The following BCAS3 variants were observed in gnomAD, a reference collection of about 807,000 sequenced individuals.
BCAS3 encodes the protein BCAS4/BCAS3 fusion.
Under a neutral mutation model 116.1 loss-of-function variants are expected in BCAS3, and 53 were observed. That is an observed-to-expected ratio of 0.46 (90% CI 0.37 to 0.57). The LOEUF is 0.57. Ranked by LOEUF, BCAS3 falls within the 20% of genes least tolerant of loss-of-function variation. BCAS3 has a pLI of 0.00. For missense variants in BCAS3, 917 were observed against 1,165.4 expected, an observed-to-expected ratio of 0.79 and a Z score of 3.10; for synonymous variants, 391 against 408.2, an observed-to-expected ratio of 0.96 and a Z score of 0.51.
At chr17:60,770,949 G>A (rs1039076057) in intron 6 of BCAS3, among the ~76,000 whole-genome samples, 14 of 146,752 alleles carry the variant, frequency 9.5e-5, no homozygotes, top group Admixed American at 9.4e-4. Flanking sequence ...CCAAGTAGCT[G>A]GGATTACAGG....
At chr17:60,905,209 C>T (rs1324409867) in intron 11 of BCAS3, among the ~76,000 whole-genome samples, 2 of 151,984 alleles carry the variant, frequency 1.3e-5, no homozygotes, top group Non-Finnish European at 2.9e-5. Flanking sequence ...TGTCACAATC[C>T]ACTTGGGATA....
At chr17:60,989,893 AT>A in intron 14 of BCAS3, 77 bp from the exon 15 acceptor site, 2 of 1,442,314 alleles carry the variant, frequency 1.4e-6, no homozygotes, top group Non-Finnish European at 1.9e-6. Flanking sequence ...TTATATTCAT[AT>A]TTGGTGATGT....
chr17:61,150,771 G>A (rs1365067053), intron 22 of BCAS3, among the ~76,000 whole-genome samples: 1 of 152,128 alleles, frequency 6.6e-6, no homozygotes, highest in Non-Finnish European at 1.5e-5. Context: ...GACTGCTTTT[G>A]GAACTTGTGA....
Position 61,037,990 on chromosome 17 carries a change from A to G in BCAS3, c.1864A>G (p.Lys622Glu). The change falls in exon 18 of 24, where the codon AAG becomes GAG. Residue 622 changes from lysine to glutamate, a missense_variant. This residue lies in a region of BCAS3 where 807 missense variants were observed against 1,026.0 expected (regional missense o/e 0.79). Transcript: ENST00000407086. This position sits in a 1 kb window ranked among gnomAD's most constrained non-coding sequence, Gnocchi z 4.7. The stretch of plus-strand genomic sequence containing the variant: ...GCCGCGACCCCTCAGCACTGCACCC[A>G]AGATTAGTGACGACACACCACTGGA... Reference protein sequence around the residue: ...MEPRPLSTAPKISDDTPLEMM... With the variant: ...MEPRPLSTAPEISDDTPLEMM... 1 of 1,614,168 alleles carries G rather than the reference A, an allele frequency of 6.2e-7. No homozygotes were observed. Among genetic ancestry groups the G allele is most frequent in the Non-Finnish European group, 8.5e-7 (1 of 1,180,020 alleles).
intron 5 of BCAS3, among the ~76,000 whole-genome samples, chr17:60,710,772 C>T (rs2037813525): frequency 6.6e-6 from 1 of 150,700 alleles, no homozygotes; most frequent in Non-Finnish European, 1.5e-5. Context: ...TTTGATAAGT[C>T]ACTTCTGATG....
intron 22 of BCAS3, among the ~76,000 whole-genome samples, chr17:61,194,477 C>T (rs2080353583): frequency 6.6e-6 from 1 of 152,092 alleles, no homozygotes; most frequent in Admixed American, 6.5e-5. Flanking sequence ...CAGTGGCTCA[C>T]TCCTGTAATC....
In BCAS3 at chr17:61,205,585, A is replaced by G. The variant is rs1351959868; in HGVS notation, c.2425+121021A>G. 6.6e-6 allele frequency among the ~76,000 whole-genome samples: 1 copy of G among 152,080 alleles called. No homozygotes were observed. Among genetic ancestry groups the G allele is most frequent in the Non-Finnish European group, 1.5e-5 (1 of 68,018 alleles). ...CATTGACCTTGACATACTCAGAACA[A>G]ATTGGTCTGTGTGATTGCTACCACA... is the stretch of plus-strand genomic sequence containing the variant. On this transcript the variant is annotated intron_variant, in intron 22 of 23. Transcript: ENST00000407086. The surrounding 1 kb of genome is among the most constrained non-coding windows in gnomAD (Gnocchi z 5.2).
intron 6 of BCAS3, among the ~76,000 whole-genome samples, chr17:60,763,595 T>C (rs999712528): frequency 7.2e-5 from 11 of 152,230 alleles, no homozygotes; most frequent in Non-Finnish European, 1.5e-4. Flanking sequence ...GGATTCAGTT[T>C]GCCAGTATTT....
intron 22 of BCAS3, among the ~76,000 whole-genome samples, chr17:61,230,142 T>TACACACACACACAC (rs58423435): frequency 3.3e-5 from 5 of 149,942 alleles, no homozygotes; most frequent in African/African-American, 1.2e-4. Context: ...AGTGTGTGTA[T>TACACACACACACAC]ACACACACAC....
intron 22 of BCAS3, among the ~76,000 whole-genome samples, chr17:61,187,564 C>T (rs2079853049): frequency 6.6e-6 from 1 of 152,182 alleles, no homozygotes; most frequent in Admixed American, 6.5e-5. Flanking sequence ...AAACACAGAA[C>T]AGAAAGCTAG....
rs1175372444 is a variant in BCAS3, at chr17:61,224,370, A to G, written c.2425+139806A>G. ...CCTCTTGAAGTTCAGGAGAGATTTC[A>G]TGGAAGAGGTATCATTCAAGCTGAG... On this transcript the variant is annotated intron_variant, in intron 22 of 23. Coordinates refer to ENST00000407086, the MANE Select transcript of BCAS3 (RefSeq NM_017679.5). The surrounding 1 kb of genome is among the most constrained non-coding windows in gnomAD (Gnocchi z 5.7). Among the ~76,000 whole-genome samples the G allele has an allele frequency of 6.6e-6, 1 of 152,234 alleles. No individual in the cohort carries two copies. Among genetic ancestry groups the G allele is most frequent in the African/African-American group, 2.4e-5 (1 of 41,478 alleles).
rs144517756 is a variant in BCAS3, at chr17:61,276,685, A to G, written c.2426-91642A>G. The stretch of plus-strand genomic sequence containing the variant: ...AAATCTCTATCAAATAAGCTGACTT[A>G]TTTGCAGAAATTGACAAGCTGATCC... On this transcript the variant is annotated intron_variant, in intron 22 of 23. Transcript: ENST00000407086. This position sits in a 1 kb window ranked among gnomAD's most constrained non-coding sequence, Gnocchi z 4.2. Among the ~76,000 whole-genome samples the G allele has an allele frequency of 1.3e-5, 2 of 152,196 alleles. No individual in the cohort carries two copies. Among genetic ancestry groups the G allele is most frequent in the Non-Finnish European group, 2.9e-5 (2 of 68,032 alleles).
At chr17:60,749,033 C>T (rs1217567534) in intron 6 of BCAS3, 2 of 152,178 alleles carry the variant, frequency 1.3e-5, no homozygotes, top group East Asian at 3.8e-4. Context: ...GAACTCACTA[C>T]CTTCGGAGCA....
chr17:60,747,060 A>T (rs1005316793), intron 5 of BCAS3, 138 bp from the exon 6 acceptor site: 1 of 533,352 alleles, frequency 1.9e-6, no homozygotes, highest in Non-Finnish European at 3.3e-6. Context: ...ATGTATGACC[A>T]ATGATAAATG....
Position 61,057,953 on chromosome 17 carries a change from CT to C in BCAS3, c.2030-16958del, listed in dbSNP as rs888670965. On this transcript the variant is annotated intron_variant, in intron 19 of 23. Transcript: ENST00000407086. ...TAGTCTTGTGTCTTTAGCATAGCTA[CT>C]TTTTTTTTATATTGAAGCCTCTTTT... 1.3e-3 allele frequency among the ~76,000 whole-genome samples: 194 copies of C among 151,160 alleles called. 1 individual carries two copies. The highest frequency in any genetic ancestry group is 3.8e-3 in the African/African-American group (155 of 41,268).
rs1306282104 is a variant in BCAS3 at position 61,180,152 on chromosome 17, T to C, written c.2425+95588T>C. Among the ~76,000 whole-genome samples the C allele has an allele frequency of 6.6e-6, 1 of 152,134 alleles. No homozygotes were observed. Among genetic ancestry groups the C allele is most frequent in the Non-Finnish European group, 1.5e-5 (1 of 68,016 alleles). ...GAGTGCACCATTTTGCCAAACATCA[T>C]TAAGTCATTAGTGTAAGGGACTTGT... On this transcript the variant is annotated intron_variant, in intron 22 of 23. Transcript: ENST00000407086. This position sits in a 1 kb window ranked among gnomAD's most constrained non-coding sequence, Gnocchi z 6.0.
At chr17:60,746,924 A>G (rs2042056039) in intron 5 of BCAS3, among the ~76,000 whole-genome samples, 1 of 152,176 alleles carries the variant, frequency 6.6e-6, no homozygotes, top group Non-Finnish European at 1.5e-5. Flanking sequence ...ACAGATTTCT[A>G]ATGGTTTAAT....
At chr17:61,002,741 T>C (rs888883995) in intron 15 of BCAS3, 2 of 152,126 alleles carry the variant, frequency 1.3e-5, no homozygotes, top group Non-Finnish European at 2.9e-5. Flanking sequence ...TGTGGGGTCA[T>C]TATGCTAAAT....
intron 22 of BCAS3, among the ~76,000 whole-genome samples, chr17:61,319,258 C>T (rs539008848): frequency 6.6e-6 from 1 of 152,284 alleles, no homozygotes; most frequent in South Asian, 2.1e-4. Context: ...ATCATTCTGA[C>T]CCTTTGAACT....
Sources: gnomAD v4.1 joint callset for allele counts (sites outside exome capture counted in the v4.1 genomes callset) on GRCh38, gnomAD v4.1.1 for gene constraint, gnomAD v4.1.1 regional missense constraint, Gnocchi (gnomAD v3.1) non-coding constraint, MANE v1.5 for transcripts, NCBI Gene and HGNC (gene_info 2026-07-23, HGNC 2026-07-21) for gene names.